The following ASTN2 variants were observed in gnomAD, a reference collection of about 807,000 sequenced individuals.
ASTN2 encodes astrotactin 2.
Under a neutral mutation model 139.8 loss-of-function variants are expected in ASTN2, and 54 were observed. The ratio of observed to expected loss-of-function variants is 0.39; its 90% CI spans 0.31 to 0.48. The LOEUF is 0.48. Among genes scored for constraint, ASTN2 ranks in the 20% least tolerant of loss-of-function variants. ASTN2 has a pLI of 0.95. For missense variants in ASTN2, 1,565 were observed against 1,725.1 expected (o/e 0.91, Z 1.64); for synonymous variants, 756 against 719.5 (o/e 1.05, Z -0.81).
intron 19 of ASTN2, among the ~76,000 whole-genome samples, chr9:116,514,918 G>C (rs909412561): frequency 6.6e-5 from 10 of 152,126 alleles, no homozygotes; most frequent in African/African-American, 2.4e-4. Context: ...GCTAGGAAAG[G>C]GAATTCCCTG....
chr9:116,804,795 CT>C (rs61117344), intron 13 of ASTN2, among the ~76,000 whole-genome samples: 72 of 151,060 alleles, frequency 4.8e-4, no homozygotes, highest in South Asian at 1.3e-3. Context: ...GTGATAATAT[CT>C]TTTTTTTTAT....
At chr9:117,336,055 A>AG (rs1163381620) in intron 1 of ASTN2, among the ~76,000 whole-genome samples, 85 of 136,592 alleles carry the variant, frequency 6.2e-4, no homozygotes, top group Non-Finnish European at 1.1e-3. Flanking sequence ...AGGTCTGGAA[A>AG]GGAAAAAAAA....
intron 2 of ASTN2, among the ~76,000 whole-genome samples, chr9:117,266,130 A>T (rs1284117927): frequency 6.6e-6 from 1 of 152,322 alleles, no homozygotes; most frequent in East Asian, 1.9e-4. Flanking sequence ...GCTTCAAATC[A>T]GACAGGTTTT....
intron 1 of ASTN2, among the ~76,000 whole-genome samples, chr9:117,397,538 G>T: frequency 6.6e-6 from 1 of 152,134 alleles, no homozygotes; most frequent in East Asian, 1.9e-4. Flanking sequence ...TGTATTATGA[G>T]CATGGTTTAT....
chr9:117,116,355 C>T (rs984169687), intron 4 of ASTN2, among the ~76,000 whole-genome samples: 21 of 152,126 alleles, frequency 1.4e-4, no homozygotes, highest in South Asian at 4.1e-4. Flanking sequence ...AACTTCTCTA[C>T]AGAGATAAGG....
At chr9:116,594,828 A>T (rs900505019) in intron 19 of ASTN2, among the ~76,000 whole-genome samples, 23 of 152,260 alleles carry the variant, frequency 1.5e-4, no homozygotes, top group African/African-American at 5.3e-4. Context: ...TCTTCCCATG[A>T]TTTCTGTCTT....
chr9:116,770,448 A>G (rs959135711), intron 13 of ASTN2, among the ~76,000 whole-genome samples: 14 of 152,124 alleles, frequency 9.2e-5, no homozygotes, highest in African/African-American at 3.4e-4. Context: ...TAATTCTTAG[A>G]ATAGTGCTGA....
At chr9:116,509,618 CCCA>C (rs1185171200) in intron 19 of ASTN2, among the ~76,000 whole-genome samples, 2 of 152,172 alleles carry the variant, frequency 1.3e-5, no homozygotes, top group African/African-American at 4.8e-5. Flanking sequence ...AGTTTACTCT[CCCA>C]CCAACAGTAT....
At chr9:116,530,094 G>GACATATATATAT (rs1160064026) in intron 19 of ASTN2, among the ~76,000 whole-genome samples, 1 of 51,078 alleles carries the variant, frequency 2.0e-5, no homozygotes, top group South Asian at 1.2e-3. Context: ...GATAAAGTGT[G>GACATATATATAT]ATATATATAT....
chr9:116,955,327 GA>G (rs1347743052), intron 10 of ASTN2, among the ~76,000 whole-genome samples: 1 of 152,246 alleles, frequency 6.6e-6, no homozygotes, highest in Admixed American at 6.5e-5. Context: ...ATGATGAAGA[GA>G]AGTCCTCTAA....
chr9:117,010,498 C>A (rs1278816801), intron 6 of ASTN2, among the ~76,000 whole-genome samples: 1 of 152,148 alleles, frequency 6.6e-6, no homozygotes, highest in African/African-American at 2.4e-5. Context: ...AGAATAGAAT[C>A]AGCAAGGTAA....
intron 2 of ASTN2, among the ~76,000 whole-genome samples, chr9:117,256,612 G>A (rs1833693607): frequency 1.3e-5 from 2 of 152,104 alleles, no homozygotes; most frequent in Non-Finnish European, 2.9e-5. Context: ...GTCCCTTGAT[G>A]TAAGATCAAA....
intron 1 of ASTN2, among the ~76,000 whole-genome samples, chr9:117,330,852 G>A (rs1472772612): frequency 6.6e-6 from 1 of 152,172 alleles, no homozygotes; most frequent in Non-Finnish European, 1.5e-5. Context: ...GAAATGAAGG[G>A]GATGTGCCCT....
chr9:116,764,701 T>C (rs2132173590), intron 13 of ASTN2, among the ~76,000 whole-genome samples: 1 of 152,306 alleles, frequency 6.6e-6, no homozygotes, highest in Admixed American at 6.5e-5. Flanking sequence ...TTCCAAGAAG[T>C]GTGATCCCTT....
chr9:116,506,979 T>G (rs1850139645), intron 19 of ASTN2, among the ~76,000 whole-genome samples: 1 of 152,142 alleles, frequency 6.6e-6, no homozygotes, highest in South Asian at 2.1e-4. Flanking sequence ...CTCTGGGGAT[T>G]GGTTTAAGGA....
intron 1 of ASTN2, among the ~76,000 whole-genome samples, chr9:117,339,753 GAGGAAGAAGGTGA>G (rs936403703): frequency 2.6e-4 from 39 of 152,152 alleles, no homozygotes; most frequent in African/African-American, 9.4e-4. Flanking sequence ...GGGGTGAGGG[GAGGAAGAAGGTGA>G]AGGAAGAAGG....
chr9:116,632,205 A>AAAGAGAGAAAGAAAGAAAGAAAG (rs767242462), intron 17 of ASTN2, among the ~76,000 whole-genome samples: 1 of 45,302 alleles, frequency 2.2e-5, no homozygotes, highest in Admixed American at 2.6e-4. Flanking sequence ...AGAAAGAAAG[A>AAAGAGAGAAAGAAAGAAAGAAAG]AAAGAAAGAA....
intron 2 of ASTN2, among the ~76,000 whole-genome samples, chr9:117,260,447 C>T (rs188630588): frequency 3.5e-4 from 54 of 152,242 alleles, no homozygotes; most frequent in Admixed American, 6.5e-4. Context: ...TTTCAGTTCC[C>T]GTCCTCACTT....
intron 13 of ASTN2, among the ~76,000 whole-genome samples, chr9:116,764,921 T>G (rs900738512): frequency 2.0e-5 from 3 of 152,210 alleles, no homozygotes; most frequent in Admixed American, 6.5e-5. Flanking sequence ...TCTTCTGAGA[T>G]GCCCCCACCG....
Sources: allele counts gnomAD v4.1 joint callset (sites outside exome capture counted in the v4.1 genomes callset), GRCh38; gene constraint gnomAD v4.1.1; transcripts MANE v1.5; gene names NCBI Gene and HGNC (gene_info 2026-07-23, HGNC 2026-07-21).